The following CLN6 variants were observed in gnomAD, a reference collection of about 807,000 sequenced individuals.
CLN6 encodes ceroid-lipofuscinosis neuronal protein 6.
Under a neutral mutation model 33.3 loss-of-function variants are expected in CLN6, and 22 were observed. The ratio of observed to expected loss-of-function variants is 0.66; its 90% CI spans 0.47 to 0.94. The LOEUF is 0.94. Ranked by LOEUF, CLN6 falls within the 40% of genes least tolerant of loss-of-function variation. CLN6 has a pLI of 0.00. For synonymous variants in CLN6, 201 were observed against 174.6 expected (o/e 1.15, Z -1.19); for missense variants, 387 against 417.1 (o/e 0.93, Z 0.63).
chr15:68,248,132 C>T (rs945703074), intron 1 of CLN6, among the ~76,000 whole-genome samples: 1 of 151,468 alleles, frequency 6.6e-6, no homozygotes, highest in Non-Finnish European at 1.5e-5. Flanking sequence ...GACATAAAAA[C>T]AGACACATAG....
intron 2 of CLN6, among the ~76,000 whole-genome samples, chr15:68,216,187 A>C (rs1012522): frequency 6.6e-6 from 1 of 151,808 alleles, no homozygotes; most frequent in Non-Finnish European, 1.5e-5. Flanking sequence ...TAGTGAGTGA[A>C]GGGAGCCACG....
At position 68,241,057 on chromosome 15, in the gene CLN6, A is replaced by T. The variant is rs939378445; in HGVS notation, c.179+15633T>A. ...CAAGAATATGAATGAAGAACAGAAG[A>T]AAGCTGCAAATATGGAAGAGATGAA... On this transcript the variant is annotated intron_variant, in intron 1 of 6. Coordinates refer to the CLN6 transcript ENST00000538696. The surrounding 1 kb of genome is among the most constrained non-coding windows in gnomAD (Gnocchi z 4.2). Among the ~76,000 whole-genome samples, 2 of 152,174 alleles carry T rather than the reference A, an allele frequency of 1.3e-5. No individual in the cohort carries two copies. The highest frequency in any genetic ancestry group is 2.9e-5 in the Non-Finnish European group (2 of 68,030).
chr15:68,226,626 C>T (rs1000379165), intron 1 of CLN6, among the ~76,000 whole-genome samples: 1 of 151,966 alleles, frequency 6.6e-6, no homozygotes, highest in African/African-American at 2.4e-5. Flanking sequence ...GACACCATGC[C>T]TGGCTAATTT....
At chr15:68,229,801 G>A (rs1404856774), upstream of CLN6, 2 of 166,870 alleles carry the variant, frequency 1.2e-5, no homozygotes, top group African/African-American at 5.2e-5. Flanking sequence ...GAGGGAGACG[G>A]GGCGGGCTCC....
Position 68,241,925 on chromosome 15 carries a change from G to T in CLN6, c.179+14765C>A, listed in dbSNP as rs1219514881. On this transcript the variant is annotated intron_variant, in intron 1 of 6. Coordinates refer to the CLN6 transcript ENST00000538696. The surrounding 1 kb of genome is among the most constrained non-coding windows in gnomAD (Gnocchi z 4.2). ...AATAAACAAACAAATAAGAAATTCA[G>T]CAGTATATTACAAAGACTCTATAAG... is the stretch of plus-strand genomic sequence containing the variant. Among the ~76,000 whole-genome samples the T allele has an allele frequency of 6.6e-6, 1 of 152,102 alleles. No individual in the cohort carries two copies. Among genetic ancestry groups the T allele is most frequent in the African/African-American group, 2.4e-5 (1 of 41,410 alleles).
At chr15:68,214,568 T>C in intron 2 of CLN6, 180 bp from the exon 3 acceptor site, 1 of 602,926 alleles carries the variant, frequency 1.7e-6, no homozygotes. Context: ...CAAAGGTTTA[T>C]CCAGACAGGA....
intron 1 of CLN6, among the ~76,000 whole-genome samples, chr15:68,249,931 C>G (rs1892361405): frequency 6.6e-6 from 1 of 152,076 alleles, no homozygotes; most frequent in African/African-American, 2.4e-5. Context: ...AACCATCAGG[C>G]CTGGCTAATT....
At position 68,211,733 on chromosome 15, in the gene CLN6, T is replaced by C. The variant is rs1299236624; in HGVS notation, c.428A>G (p.Gln143Arg). ...VNHRLLFSGY[Q>R]HHLSVRENPI... ...GTTCTCACGGACAGACAGGTGGTGC[T>C]GGTAGCCACTGAAGAGCAGGCGGTG... Residue 143 changes from glutamine (Q) to arginine (R), a missense_variant, in exon 4 of 7, where the codon CAG (glutamine) becomes CGG (arginine). Transcript: ENST00000249806. This position sits in a 1 kb window ranked among gnomAD's most constrained non-coding sequence, Gnocchi z 5.9. 6.2e-7 allele frequency: 1 copy of C among 1,613,944 alleles called. No individual in the cohort carries two copies. The highest frequency in any genetic ancestry group is 8.5e-7 in the Non-Finnish European group (1 of 1,180,010).
intron 1 of CLN6, among the ~76,000 whole-genome samples, chr15:68,239,201 A>G (rs1029348212): frequency 5.3e-5 from 8 of 152,144 alleles, no homozygotes; most frequent in Non-Finnish European, 1.2e-4. Context: ...TTAAAAAAGG[A>G]AAACAAATGG....
chr15:68,214,392 C>T lies in CLN6; in HGVS notation c.199-4G>A, dbSNP rs767945732. The stretch of plus-strand genomic sequence containing the variant: ...ACCACTCGAGAGGGAATACCAGCTG[C>T]GGAGCAAATGGAAGAATGGGCTCAC... On this transcript the variant is annotated splice_polypyrimidine_tract_variant and splice_region_variant and intron_variant, in intron 2 of 6. Coordinates refer to ENST00000249806, the MANE Select transcript of CLN6 (RefSeq NM_017882.3). 1.1e-5 allele frequency: 18 copies of T among 1,611,044 alleles called. No individual in the cohort carries two copies. The highest frequency in any genetic ancestry group is 3.3e-5 in the South Asian group (3 of 91,028).
At chr15:68,237,215 T>C in intron 1 of CLN6, among the ~76,000 whole-genome samples, 1 of 138,804 alleles carries the variant, frequency 7.2e-6, no homozygotes. Context: ...GCACAATGGC[T>C]CATACCTGTA....
chr15:68,212,632 C>G (rs1472950797), intron 3 of CLN6: 3 of 152,528 alleles, frequency 2.0e-5, no homozygotes, highest in Non-Finnish European at 4.4e-5. Context: ...CACCTCAGCC[C>G]CCAGAGTAGC....
rs1218676871 is a variant in CLN6 at position 68,220,056 on chromosome 15, G to C, written c.84-1406C>G. Reference sequence around the variant, plus strand: ...TGCTGTTGCTTCCCTAATTTTCTGAGATCCCTTCCTGCCAGTTCCAAGGAT... The same window carrying C: ...TGCTGTTGCTTCCCTAATTTTCTGACATCCCTTCCTGCCAGTTCCAAGGAT... On this transcript the variant is annotated intron_variant, in intron 1 of 6. Coordinates refer to ENST00000249806, the MANE Select transcript of CLN6 (RefSeq NM_017882.3). This position sits in a 1 kb window ranked among gnomAD's most constrained non-coding sequence, Gnocchi z 4.2. 6.6e-6 allele frequency among the ~76,000 whole-genome samples: 1 copy of C among 152,154 alleles called. No individual in the cohort carries two copies. The highest frequency in any genetic ancestry group is 2.4e-5 in the African/African-American group (1 of 41,434).
intron 1 of CLN6, among the ~76,000 whole-genome samples, chr15:68,239,707 A>T (rs770602373): frequency 6.6e-6 from 1 of 152,210 alleles, no homozygotes; most frequent in African/African-American, 2.4e-5. Flanking sequence ...ATGAGTCAAG[A>T]AAGATTTGAA....
intron 1 of CLN6, 101 bp from the exon 2 acceptor site, chr15:68,218,751 G>C: frequency 1.2e-6 from 1 of 812,378 alleles, no homozygotes; most frequent in Non-Finnish European, 2.1e-6. Context: ...TTGAGGACAG[G>C]AGGAGACACA....
Position 68,208,101 on chromosome 15 carries a change from C to T in CLN6, c.*39G>A, listed in dbSNP as rs752212980. 3.3e-6 allele frequency: 5 copies of T among 1,519,050 alleles called. No individual in the cohort carries two copies. Among genetic ancestry groups the T allele is most frequent in the Admixed American group, 3.7e-5 (2 of 54,420 alleles). 94.1% of individuals were successfully genotyped at this position (1,519,050 alleles called of 1,614,324 possible). On this transcript the variant is annotated 3_prime_UTR_variant, in exon 7 of 7. Coordinates refer to ENST00000249806, the MANE Select transcript of CLN6 (RefSeq NM_017882.3). The surrounding 1 kb of genome is among the most constrained non-coding windows in gnomAD (Gnocchi z 5.8). Reference sequence around the variant, plus strand: ...ATTCAGATGCCCTCCATGGCCCACCCTCCCACCCAGCAGAGCGCCAGAGCC... The same window carrying T: ...ATTCAGATGCCCTCCATGGCCCACCTTCCCACCCAGCAGAGCGCCAGAGCC...
chr15:68,254,022 C>A (rs891059178), intron 1 of CLN6, among the ~76,000 whole-genome samples: 3 of 151,992 alleles, frequency 2.0e-5, no homozygotes, highest in African/African-American at 7.3e-5. Flanking sequence ...GGACTACAGG[C>A]GCCCACCACC....
Position 68,208,094 on chromosome 15 carries a change from G to GGGGGC in CLN6, c.*45_*46insGCCCC. The GGGGGC allele has an allele frequency of 1.5e-6, 2 of 1,375,276 alleles. No homozygotes were observed. Among genetic ancestry groups the GGGGGC allele is most frequent in the South Asian group, 1.3e-5 (1 of 79,428 alleles). The allele number at this position is 1,375,276 out of a possible 1,614,324, so 85.2% of individuals were successfully genotyped here. ...CTCCTGTATTCAGATGCCCTCCATG[G>GGGGGC]CCCACCCTCCCACCCAGCAGAGCGC... On this transcript the variant is annotated 3_prime_UTR_variant, in exon 7 of 7. Coordinates refer to ENST00000249806, the MANE Select transcript of CLN6 (RefSeq NM_017882.3). The surrounding 1 kb of genome is among the most constrained non-coding windows in gnomAD (Gnocchi z 5.8).
rs151066573 is a variant in CLN6 at position 68,217,723 on chromosome 15, G to C, written c.198+813C>G. Among the ~76,000 whole-genome samples, 130 of 152,280 alleles carry C rather than the reference G, an allele frequency of 8.5e-4. 3 individuals carry two copies. The East Asian group carries it at 0.021, about 25-fold the overall frequency. On this transcript the variant is annotated intron_variant, in intron 2 of 6. Coordinates refer to ENST00000249806, the MANE Select transcript of CLN6 (RefSeq NM_017882.3). ...TTGGCTCTATGACTGTGGCCCGTCA[G>C]GCAACTGTCAGCAAGTTGGGTGGGA...
Sources: allele counts gnomAD v4.1 joint callset (sites outside exome capture counted in the v4.1 genomes callset), GRCh38; gene constraint gnomAD v4.1.1; non-coding constraint Gnocchi (gnomAD v3.1); transcripts MANE v1.5; gene names NCBI Gene and HGNC (gene_info 2026-07-23, HGNC 2026-07-21).